Variants in GAP43 observed in about 807,000 individuals in gnomAD.
The protein encoded by GAP43 is growth associated protein 43, also known as neuromodulin.
In GAP43, 6 loss-of-function variants were observed where a neutral mutation model predicts 18.6. The ratio of observed to expected loss-of-function variants is 0.32; its 90% CI spans 0.18 to 0.64. GAP43 has a LOEUF of 0.64. Ranked by LOEUF, GAP43 falls within the 30% of genes least tolerant of loss-of-function variation. The pLI is 0.78. For missense variants in GAP43, 292 were observed against 295.5 expected, an observed-to-expected ratio of 0.99 and a Z score of 0.09; for synonymous variants, 115 against 111.4, an observed-to-expected ratio of 1.03 and a Z score of -0.20.
intron 1 of GAP43, among the ~76,000 whole-genome samples, chr3:115,662,720 C>T (rs564461686): frequency 6.6e-6 from 1 of 152,236 alleles, no homozygotes; most frequent in South Asian, 2.1e-4. Flanking sequence ...GTTGGAGTTT[C>T]ACTAATTTGG....
intron 1 of GAP43, among the ~76,000 whole-genome samples, chr3:115,657,901 A>G (rs916941238): frequency 2.0e-5 from 3 of 152,160 alleles, no homozygotes; most frequent in African/African-American, 7.2e-5. Flanking sequence ...AATCTGATTA[A>G]CCAAAGAGAC....
At chr3:115,666,557 A>C (rs900038208) in intron 1 of GAP43, among the ~76,000 whole-genome samples, 1 of 152,172 alleles carries the variant, frequency 6.6e-6, no homozygotes, top group African/African-American at 2.4e-5. Flanking sequence ...GAGTATGTAC[A>C]AAGTGTCAGG....
At chr3:115,655,977 G>A (rs1708575832) in intron 1 of GAP43, among the ~76,000 whole-genome samples, 1 of 152,186 alleles carries the variant, frequency 6.6e-6, no homozygotes, top group Non-Finnish European at 1.5e-5. Context: ...GCCAAAGCAT[G>A]CCTTTGACAC....
chr3:115,706,935 C>T (rs1709371969), intron 2 of GAP43, among the ~76,000 whole-genome samples: 2 of 152,106 alleles, frequency 1.3e-5, no homozygotes, highest in Admixed American at 1.3e-4. Flanking sequence ...TGTTTATTGT[C>T]ATTTAATGTT....
intron 2 of GAP43, among the ~76,000 whole-genome samples, chr3:115,714,726 C>T (rs1709481732): frequency 6.7e-6 from 1 of 148,810 alleles, no homozygotes; most frequent in South Asian, 2.1e-4. Flanking sequence ...TTTTTAGACA[C>T]ATTCGGTTTT....
chr3:115,668,634 G>A (rs1438303847), intron 1 of GAP43, among the ~76,000 whole-genome samples: 1 of 152,094 alleles, frequency 6.6e-6, no homozygotes, highest in African/African-American at 2.4e-5. Context: ...ATGTTGGTCA[G>A]GCTGGTCTCA....
At chr3:115,689,043 C>G (rs1452284459) in intron 2 of GAP43, among the ~76,000 whole-genome samples, 1 of 152,148 alleles carries the variant, frequency 6.6e-6, no homozygotes, top group Non-Finnish European at 1.5e-5. Context: ...TGCTCCTGTC[C>G]CAGGGCCTTT....
rs1709546560 is a variant in GAP43 at position 115,719,166 on chromosome 3, C to T, written c.629-1628C>T. Among the ~76,000 whole-genome samples the T allele has an allele frequency of 2.0e-5, 3 of 152,130 alleles. No homozygotes were observed. In the South Asian group the frequency reaches 6.2e-4, roughly 31 times the overall value. ...ACAAAATTACATGGACTCCAGTTTACCTTTCCAAGAATAATCAGCACCTAG... is the reference window on the plus strand; with the variant it reads ...ACAAAATTACATGGACTCCAGTTTATCTTTCCAAGAATAATCAGCACCTAG... On this transcript the variant is annotated intron_variant, in intron 2 of 2. Transcript: ENST00000305124.
chr3:115,706,482 G>A (rs1709364613), intron 2 of GAP43, among the ~76,000 whole-genome samples: 1 of 152,152 alleles, frequency 6.6e-6, no homozygotes. Flanking sequence ...CAAAGATAAG[G>A]TTTTTGTTTG....
At chr3:115,680,300 T>C (rs999726466) in intron 2 of GAP43, among the ~76,000 whole-genome samples, 2 of 151,872 alleles carry the variant, frequency 1.3e-5, no homozygotes, top group African/African-American at 4.8e-5. Flanking sequence ...CTACAAATAA[T>C]AAATAATTAG....
At chr3:115,667,699 G>A (rs540590087) in intron 1 of GAP43, among the ~76,000 whole-genome samples, 1 of 152,294 alleles carries the variant, frequency 6.6e-6, no homozygotes, top group Admixed American at 6.5e-5. Context: ...GGAAAGATTT[G>A]CCTCTGGTGG....
chr3:115,686,596 T>C (rs1265437234), intron 2 of GAP43, among the ~76,000 whole-genome samples: 1 of 152,198 alleles, frequency 6.6e-6, no homozygotes, highest in East Asian at 1.9e-4. Context: ...ACTTTAAACA[T>C]GAGTTAAAAG....
intron 2 of GAP43, among the ~76,000 whole-genome samples, chr3:115,698,004 TG>T (rs1259164882): frequency 6.7e-5 from 8 of 119,098 alleles, no homozygotes; most frequent in African/African-American, 2.6e-4. Context: ...TGTGTGTGTG[TG>T]TGTGTATAAA....
intron 1 of GAP43, among the ~76,000 whole-genome samples, chr3:115,652,353 A>ATTTTT (rs1254160169): frequency 1.7e-5 from 1 of 58,048 alleles, no homozygotes; most frequent in Non-Finnish European, 3.7e-5. Flanking sequence ...CTTATCCAGC[A>ATTTTT]TTCTTTTTTT....
At chr3:115,660,037 T>G (rs998789713) in intron 1 of GAP43, among the ~76,000 whole-genome samples, 5 of 152,190 alleles carry the variant, frequency 3.3e-5, no homozygotes, top group African/African-American at 4.8e-5. Context: ...GGGGGAATGT[T>G]TAGCTTTTTG....
At chr3:115,707,972 A>G (rs188583368) in intron 2 of GAP43, among the ~76,000 whole-genome samples, 98 of 151,244 alleles carry the variant, frequency 6.5e-4, no homozygotes, top group African/African-American at 2.3e-3. Context: ...CAAAGCATTC[A>G]AGATATATAT....
chr3:115,653,462 A>G (rs1050590125), intron 1 of GAP43, among the ~76,000 whole-genome samples: 14 of 152,142 alleles, frequency 9.2e-5, no homozygotes, highest in Non-Finnish European at 1.5e-5. Context: ...TAAAATAAAT[A>G]AAAAGGTAAT....
chr3:115,715,289 C>T (rs937161900), intron 2 of GAP43, among the ~76,000 whole-genome samples: 1 of 152,132 alleles, frequency 6.6e-6, no homozygotes, highest in Non-Finnish European at 1.5e-5. Context: ...AAGTACTATT[C>T]AGAGGCAAAC....
chr3:115,707,522 C>T (rs1320022361), intron 2 of GAP43, among the ~76,000 whole-genome samples: 1 of 152,076 alleles, frequency 6.6e-6, no homozygotes, highest in Non-Finnish European at 1.5e-5. Flanking sequence ...AACTCCTGGG[C>T]TCAAGTGATC....
Sources: gnomAD v4.1 joint callset for allele counts (sites outside exome capture counted in the v4.1 genomes callset) on GRCh38, gnomAD v4.1.1 for gene constraint, MANE v1.5 for transcripts, NCBI Gene and HGNC (gene_info 2026-07-23, HGNC 2026-07-21) for gene names.